Variants in SCAP observed in about 807,000 individuals in gnomAD.
SCAP encodes the protein SREBF chaperone.
A neutral mutation model predicts 123.6 loss-of-function variants in SCAP; 65 were observed. That is an observed-to-expected ratio of 0.53 (90% CI 0.43 to 0.65). The LOEUF (loss-of-function observed/expected upper bound fraction) is 0.65, where lower values mean the gene tolerates loss of function less well. SCAP is among the 30% of genes least tolerant of loss of function. SCAP has a pLI of 0.00. For synonymous variants in SCAP, 740 were observed against 726.3 expected (o/e 1.02, Z -0.30); for missense variants, 1,398 against 1,712.5 (o/e 0.82, Z 3.24).
In SCAP at chr3:47,420,412, C is replaced by A. The variant is rs559208453; in HGVS notation, c.1563+142G>T. 1.2e-5 allele frequency: 9 copies of A among 723,436 alleles called. No homozygotes were observed. In the East Asian group the frequency reaches 2.2e-4, roughly 18 times the overall value. 44.8% of individuals were successfully genotyped at this position (723,436 alleles called of 1,614,324 possible). On this transcript the variant is annotated intron_variant, in intron 12 of 22. Coordinates refer to ENST00000265565, the MANE Select transcript of SCAP (RefSeq NM_012235.4). The surrounding 1 kb of genome is among the most constrained non-coding windows in gnomAD (Gnocchi z 5.0). ...GTCTGGGCAGGGAGGACACAACGGG[C>A]AACTCCCCAGAGCCAGGCTTCCAGG...
intron 18 of SCAP, among the ~76,000 whole-genome samples, chr3:47,415,817 G>A (rs903363501): frequency 6.6e-6 from 1 of 152,204 alleles, no homozygotes; most frequent in Non-Finnish European, 1.5e-5. Flanking sequence ...TGAATTTGAA[G>A]GGCCTGCACC....
intron 21 of SCAP, 28 bp downstream of exon 21, chr3:47,414,544 C>T (rs773219231): frequency 5.0e-6 from 8 of 1,611,392 alleles, no homozygotes; most frequent in South Asian, 4.4e-5. Context: ...AGACTCTGTA[C>T]CCCCTACCCC....
chr3:47,466,970 G>GT (rs1398523741), intron 1 of SCAP, among the ~76,000 whole-genome samples: 1 of 151,984 alleles, frequency 6.6e-6, no homozygotes, highest in Non-Finnish European at 1.5e-5. Flanking sequence ...GTGTGCACCT[G>GT]TAGTTTCAGC....
At chr3:47,470,972 AG>A (rs1332959261) in intron 1 of SCAP, among the ~76,000 whole-genome samples, 2 of 152,218 alleles carry the variant, frequency 1.3e-5, no homozygotes, top group African/African-American at 4.8e-5. Context: ...CCCAAAAAAA[AG>A]TATAATGAGG....
At chr3:47,459,668 G>A (rs927696112) in intron 1 of SCAP, among the ~76,000 whole-genome samples, 1 of 152,078 alleles carries the variant, frequency 6.6e-6, no homozygotes, top group Non-Finnish European at 1.5e-5. Flanking sequence ...GCTTCAAAGG[G>A]CAAAAAGGAG....
Position 47,419,823 on chromosome 3 carries a change from C to G in SCAP, c.1564-119G>C. On this transcript the variant is annotated intron_variant, in intron 12 of 22. Coordinates refer to ENST00000265565, the MANE Select transcript of SCAP (RefSeq NM_012235.4). This position sits in a 1 kb window ranked among gnomAD's most constrained non-coding sequence, Gnocchi z 5.0. The stretch of plus-strand genomic sequence containing the variant: ...CAGGCCTGGGGATGGAGAGAGGACA[C>G]AGGCCCCACTGCGTCCTTTTCTCCT... The G allele has an allele frequency of 8.2e-7, 1 of 1,216,324 alleles. No homozygotes were observed. Among genetic ancestry groups the G allele is most frequent in the Non-Finnish European group, 1.1e-6 (1 of 900,310 alleles). 75.3% of individuals were successfully genotyped at this position (1,216,324 alleles called of 1,614,324 possible).
intron 9 of SCAP, among the ~76,000 whole-genome samples, chr3:47,423,390 G>A (rs928440324): frequency 2.0e-5 from 3 of 152,164 alleles, no homozygotes; most frequent in African/African-American, 4.8e-5. Flanking sequence ...AATACTAGGC[G>A]CTAAACTCCC....
intron 1 of SCAP, among the ~76,000 whole-genome samples, chr3:47,448,592 A>G (rs1436270131): frequency 6.6e-6 from 1 of 151,030 alleles, no homozygotes; most frequent in Admixed American, 6.6e-5. Flanking sequence ...TGTTGGTCAG[A>G]CTGGATAATT....
Position 47,419,691 on chromosome 3 carries a change from A to G in SCAP, c.1577T>C (p.Val526Ala), listed in dbSNP as rs1000574968. The change falls in exon 13 of 23, where the codon GTC becomes GCC. Residue 526 changes from valine to alanine, a missense_variant. Val to Ala is a moderately conservative substitution (Grantham distance 64). Coordinates refer to ENST00000265565, the MANE Select transcript of SCAP (RefSeq NM_012235.4). This position sits in a 1 kb window ranked among gnomAD's most constrained non-coding sequence, Gnocchi z 5.0. ...AQRLIMAGTVVWIGILVYTDP... is the reference protein window; with the variant it reads ...AQRLIMAGTVAWIGILVYTDP... The stretch of plus-strand genomic sequence containing the variant: ...TGTGTATACCAGGATGCCAATCCAG[A>G]CAACGGTGCCAGCCTGCAGTGGGGC... The G allele has an allele frequency of 6.6e-7, 1 of 1,521,316 alleles. No homozygotes were observed. Among genetic ancestry groups the G allele is most frequent in the Non-Finnish European group, 8.8e-7 (1 of 1,134,388 alleles). 94.2% of individuals were successfully genotyped at this position (1,521,316 alleles called of 1,614,324 possible). A position where few individuals can be genotyped will look rare whatever the true frequency, so the allele number is the denominator to read the frequency against.
chr3:47,434,083 T>C (rs1706472548), intron 3 of SCAP, among the ~76,000 whole-genome samples: 1 of 152,176 alleles, frequency 6.6e-6, no homozygotes, highest in South Asian at 2.1e-4. Context: ...TGACACCATG[T>C]ATAGTTGTGC....
chr3:47,452,997 G>C (rs769590795), intron 1 of SCAP, among the ~76,000 whole-genome samples: 5 of 152,130 alleles, frequency 3.3e-5, no homozygotes, highest in African/African-American at 4.8e-5. Flanking sequence ...TTGGAAGCCT[G>C]AGTGGGAAGG....
rs777677743 is a variant in SCAP, at chr3:47,417,284, C to T, written c.2970+20G>A. On this transcript the variant is annotated intron_variant, in intron 17 of 22. Coordinates refer to ENST00000265565, the MANE Select transcript of SCAP (RefSeq NM_012235.4). ...CCGGGGCGGACAGCCGCTCTGCCCACCTTTAGCCCCTCTGCCCACCTCCAG... is the reference window on the plus strand; with the variant it reads ...CCGGGGCGGACAGCCGCTCTGCCCATCTTTAGCCCCTCTGCCCACCTCCAG... 1 of 1,612,180 alleles carries T rather than the reference C, an allele frequency of 6.2e-7. No homozygotes were observed.
At chr3:47,434,300 C>T (rs1031902986) in intron 3 of SCAP, among the ~76,000 whole-genome samples, 1 of 152,174 alleles carries the variant, frequency 6.6e-6, no homozygotes, top group Admixed American at 6.5e-5. Context: ...GACCACAGAA[C>T]AACACAGAAG....
Position 47,420,652 on chromosome 3 carries a change from T to C in SCAP, c.1465A>G (p.Thr489Ala). ...AVRPSTPHTI[T>A]LQPSSFRNLR... is the part of the protein sequence containing the mutation. Reference sequence around the variant, plus strand: ...TTTCGGAAGGAAGACGGCTGCAACGTGATGGTGTGGGGTGTGGACGGCCTC... The same window carrying C: ...TTTCGGAAGGAAGACGGCTGCAACGCGATGGTGTGGGGTGTGGACGGCCTC... The change falls in exon 12 of 23, where the codon ACG (threonine) becomes GCG (alanine). Residue 489 changes from threonine to alanine, a missense_variant. Physicochemically the swap from Thr to Ala is moderately conservative, Grantham distance 58 (BLOSUM62 0). This residue lies in a region of SCAP where 828 missense variants were observed against 882.5 expected (regional missense o/e 0.94). Transcript: ENST00000265565. The surrounding 1 kb of genome is among the most constrained non-coding windows in gnomAD (Gnocchi z 5.0). 1 of 1,612,080 alleles carries C rather than the reference T, an allele frequency of 6.2e-7. No homozygotes were observed. Among genetic ancestry groups the C allele is most frequent in the South Asian group, 1.1e-5 (1 of 90,982 alleles).
In SCAP at chr3:47,420,960, C is replaced by T. The variant is rs767052967; in HGVS notation, c.1315G>A (p.Val439Ile). 6.2e-7 allele frequency: 1 copy of T among 1,613,968 alleles called. No homozygotes were observed. Among genetic ancestry groups the T allele is most frequent in the South Asian group, 1.1e-5 (1 of 91,076 alleles). Residue 439 changes from valine (V) to isoleucine (I), a missense_variant, in exon 11 of 23, where the codon GTC becomes ATC. Physicochemically the swap from Val to Ile is conservative, Grantham distance 29. Transcript: ENST00000265565. The surrounding 1 kb of genome is among the most constrained non-coding windows in gnomAD (Gnocchi z 5.0). ...FFLQMLFFTT[V>I]LSIDIRRMEL... is the part of the protein sequence containing the mutation. ...ATCCGGCGAATGTCAATGGACAGGA[C>T]AGTGGTGAAAAACAGCATCTGAAGG... is the stretch of plus-strand genomic sequence containing the variant.
At chr3:47,457,838 C>T (rs1440470254) in intron 1 of SCAP, among the ~76,000 whole-genome samples, 2 of 152,028 alleles carry the variant, frequency 1.3e-5, no homozygotes, top group African/African-American at 2.4e-5. Context: ...ACCCGGGAGG[C>T]GGAGCTTGCA....
chr3:47,451,186 T>C (rs1357553764), intron 1 of SCAP, among the ~76,000 whole-genome samples: 1 of 121,672 alleles, frequency 8.2e-6, no homozygotes, highest in African/African-American at 2.8e-5. Context: ...TAGTATAACA[T>C]ATCACAGAAA....
chr3:47,414,475 G>A, intron 21 of SCAP, 89 bp from the exon 22 acceptor site: 5 of 1,597,904 alleles, frequency 3.1e-6, no homozygotes, highest in Non-Finnish European at 4.3e-6. Flanking sequence ...GTGGGGCCCT[G>A]ACTGCTTCCT....
Position 47,429,611 on chromosome 3 carries a change from A to C in SCAP, c.253-941T>G, listed in dbSNP as rs1429343385. 5.3e-5 allele frequency among the ~76,000 whole-genome samples: 8 copies of C among 152,196 alleles called. No homozygotes were observed. In the East Asian group the frequency reaches 1.5e-3, roughly 29 times the overall value. ...TGATCCTCCCATTTTGGCCTCCCGA[A>C]GTGCCACACCTGGCTAACTTCTTTA... On this transcript the variant is annotated intron_variant, in intron 3 of 22. Transcript: ENST00000265565.
Sources: allele counts gnomAD v4.1 joint callset (sites outside exome capture counted in the v4.1 genomes callset), GRCh38; gene constraint gnomAD v4.1.1; regional missense constraint gnomAD v4.1.1; non-coding constraint Gnocchi (gnomAD v3.1); transcripts MANE v1.5; gene names NCBI Gene and HGNC (gene_info 2026-07-23, HGNC 2026-07-21).